Variants in SFSWAP observed in about 807,000 individuals in gnomAD.
The protein encoded by SFSWAP is splicing factor, suppressor of white-apricot homolog.
SFSWAP carries 17 observed loss-of-function variants against 100.7 expected under a neutral mutation model. The ratio of observed to expected loss-of-function variants is 0.17; its 90% CI spans 0.12 to 0.25. The LOEUF is 0.25. SFSWAP is among the 10% of genes least tolerant of loss of function. The probability of loss-of-function intolerance (pLI) is 1.00; values close to 1 mark genes in which losing one functional copy is unlikely to be tolerated. For synonymous variants in SFSWAP, 504 were observed against 510.1 expected, an observed-to-expected ratio of 0.99 and a Z score of 0.16; for missense variants, 1,005 against 1,262.6, an observed-to-expected ratio of 0.80 and a Z score of 3.09.
intron 14 of SFSWAP, chr12:131,785,307 C>A: frequency 7.3e-7 from 1 of 1,364,616 alleles, no homozygotes; most frequent in Non-Finnish European, 1.0e-6. Flanking sequence ...ACGATTCTGT[C>A]CGTTAAAGGG....
At chr12:131,766,061 A>G in intron 12 of SFSWAP, 57 bp from the exon 13 acceptor site, 1 of 1,519,332 alleles carries the variant, frequency 6.6e-7, no homozygotes, top group Non-Finnish European at 8.9e-7. Context: ...GAAAATTAAG[A>G]TCAGATAAAA....
chr12:131,764,553 T>C lies in SFSWAP; in HGVS notation c.1818T>C (p.Asp606=), dbSNP rs375281679. The C allele has an allele frequency of 2.0e-5, 32 of 1,614,018 alleles. No individual in the cohort carries two copies. Among genetic ancestry groups the C allele is most frequent in the Non-Finnish European group, 2.4e-5 (28 of 1,180,014 alleles). Reference sequence around the variant, plus strand: ...TTAAGCTAGATGATGACAGTGATGATGATGAAGAAAGCAAAGAAGGCCAAG... The same window carrying C: ...TTAAGCTAGATGATGACAGTGATGACGATGAAGAAAGCAAAGAAGGCCAAG... The part of the protein sequence containing the change: ...NRVKLDDDSD[D]DEESKEGQES... Residue 606 remains aspartate, a synonymous_variant, in exon 12 of 18, where the codon GAT becomes GAC. Coordinates refer to ENST00000261674, the MANE Select transcript of SFSWAP (RefSeq NM_004592.4).
At chr12:131,785,263 G>A (rs1184599484) in intron 14 of SFSWAP, 1 of 1,473,646 alleles carries the variant, frequency 6.8e-7, no homozygotes, top group Middle Eastern at 1.7e-4. Context: ...CATCTGTTCT[G>A]TAAATCTTAG....
At chr12:131,762,294 C>G (rs923775615) in intron 11 of SFSWAP, among the ~76,000 whole-genome samples, 2 of 151,986 alleles carry the variant, frequency 1.3e-5, no homozygotes, top group Admixed American at 1.3e-4. Context: ...GCTTGTCATC[C>G]CAGCACTTCA....
intron 7 of SFSWAP, among the ~76,000 whole-genome samples, chr12:131,743,452 A>G (rs1880841614): frequency 6.6e-6 from 1 of 152,240 alleles, no homozygotes; most frequent in Non-Finnish European, 1.5e-5. Context: ...TCCAAAATCT[A>G]GCAAGGCAGT....
rs199526989 is a variant in SFSWAP, at chr12:131,753,375, G to C, written c.1322+12G>C. On this transcript the variant is annotated intron_variant, in intron 8 of 17. Transcript: ENST00000261674. Reference sequence around the variant, plus strand: ...ACCACCACCACAAGGTAGGTGCAGCGTCCACCGCTGCCTGCTGTGTGAGTC... The same window carrying C: ...ACCACCACCACAAGGTAGGTGCAGCCTCCACCGCTGCCTGCTGTGTGAGTC... 1 of 1,605,392 alleles carries C rather than the reference G, an allele frequency of 6.2e-7. No individual in the cohort carries two copies. The highest frequency in any genetic ancestry group is 1.3e-5 in the African/African-American group (1 of 74,794).
chr12:131,741,505 C>T (rs2124713), intron 7 of SFSWAP, among the ~76,000 whole-genome samples: 49,079 of 151,584 alleles, frequency 0.32, 9,228 homozygotes, highest in Non-Finnish European at 0.44. Flanking sequence ...ACCATAATGG[C>T]GCACACCTGT....
chr12:131,755,499 G>A lies in SFSWAP; in HGVS notation c.1548+20G>A. The A allele has an allele frequency of 1.3e-6, 2 of 1,571,000 alleles. No homozygotes were observed. The highest frequency in any genetic ancestry group is 1.1e-5 in the South Asian group (1 of 90,026). ...ATGCAGGTACGTGTCTGAATGCAGG[G>A]AGGCTGTGAAGCTCTTAGAGGTGGC... On this transcript the variant is annotated intron_variant, in intron 10 of 17. Coordinates refer to ENST00000261674, the MANE Select transcript of SFSWAP (RefSeq NM_004592.4).
At chr12:131,739,477 A>G (rs928011203) in intron 7 of SFSWAP, among the ~76,000 whole-genome samples, 2 of 140,980 alleles carry the variant, frequency 1.4e-5, no homozygotes, top group East Asian at 4.3e-4. Context: ...GTATAGAAAT[A>G]TTATTTTTAT....
rs147670551 is a variant in SFSWAP at position 131,725,611 on chromosome 12, C to G, written c.813C>G (p.Asn271Lys). ...GACGCTACACTGTCCTGGCAGAAAA[C>G]AAAAGTGACGAGAAAAAAAGTAGGT... Reference protein sequence around the residue: ...KEGRYTVLAENKSDEKKKSGV... With the variant: ...KEGRYTVLAEKKSDEKKKSGV... The change falls in exon 5 of 18, where the codon AAC (asparagine) becomes AAG (lysine). Residue 271 changes from asparagine (N) to lysine (K), a missense_variant. Around this residue, in one of 7 missense-constraint regions of SFSWAP, gnomAD observed 54 missense variants for 51.9 expected, o/e 1.04. Transcript: ENST00000261674. The surrounding 1 kb of genome is among the most constrained non-coding windows in gnomAD (Gnocchi z 4.3). 25 of 1,613,590 alleles carry G rather than the reference C, an allele frequency of 1.5e-5. No homozygotes were observed. In the African/African-American group the frequency reaches 3.2e-4, roughly 21 times the overall value.
At chr12:131,741,589 G>A (rs1320441364) in intron 7 of SFSWAP, among the ~76,000 whole-genome samples, 1 of 151,340 alleles carries the variant, frequency 6.6e-6, no homozygotes, top group Non-Finnish European at 1.5e-5. Flanking sequence ...CATGCTGCAG[G>A]GAGCAATGGT....
At chr12:131,745,436 A>G (rs1372064132) in intron 7 of SFSWAP, among the ~76,000 whole-genome samples, 1 of 152,200 alleles carries the variant, frequency 6.6e-6, no homozygotes, top group Non-Finnish European at 1.5e-5. Flanking sequence ...CTCCGCCCTG[A>G]TTTCTCTCAT....
At chr12:131,799,265 G>A (rs1026695732) in intron 17 of SFSWAP, among the ~76,000 whole-genome samples, 156 bp downstream of exon 17, 1 of 152,228 alleles carries the variant, frequency 6.6e-6, no homozygotes, top group Non-Finnish European at 1.5e-5. Context: ...CGAGGGCAAA[G>A]CCGTGTGGCC....
Position 131,728,340 on chromosome 12 carries a change from T to C in SFSWAP, c.993T>C (p.Arg331=). The C allele has an allele frequency of 6.2e-7, 1 of 1,614,210 alleles. No homozygotes were observed. The highest frequency in any genetic ancestry group is 8.5e-7 in the Non-Finnish European group (1 of 1,180,034). Reference sequence around the variant, plus strand: ...ATCATCCCCTCGCAGCACTTGTTCGTAAGGCACAGGCTGACAGTTCCACTC... The same window carrying C: ...ATCATCCCCTCGCAGCACTTGTTCGCAAGGCACAGGCTGACAGTTCCACTC... ...DPDHPLAALV[R]KAQADSSTPT... is the part of the protein sequence containing the mutation. The change falls in exon 7 of 18, where the codon CGT becomes CGC. Residue 331 remains arginine, a synonymous_variant. Coordinates refer to ENST00000261674, the MANE Select transcript of SFSWAP (RefSeq NM_004592.4).
intron 13 of SFSWAP, among the ~76,000 whole-genome samples, chr12:131,771,122 G>A (rs911359980): frequency 1.3e-5 from 2 of 152,158 alleles, no homozygotes; most frequent in East Asian, 3.8e-4. Flanking sequence ...AACTCAATTC[G>A]ATTCATGTAT....
At chr12:131,763,815 A>AT (rs1167177550) in intron 11 of SFSWAP, among the ~76,000 whole-genome samples, 12,778 of 144,036 alleles carry the variant, frequency 0.089, 597 homozygotes, top group Middle Eastern at 0.14. Flanking sequence ...TGAGCCATGA[A>AT]TTTTTTTTTT....
intron 11 of SFSWAP, among the ~76,000 whole-genome samples, chr12:131,762,274 G>A (rs916474169): frequency 6.6e-5 from 10 of 151,956 alleles, no homozygotes; most frequent in African/African-American, 1.4e-4. Context: ...GGCTGGGCAC[G>A]GTGGCTCATG....
rs1416181500 is a variant in SFSWAP, at chr12:131,734,574, TG to T, written c.1081+6148del. Among the ~76,000 whole-genome samples the T allele has an allele frequency of 6.6e-6, 1 of 152,228 alleles. No individual in the cohort carries two copies. The highest frequency in any genetic ancestry group is 2.4e-5 in the African/African-American group (1 of 41,454). On this transcript the variant is annotated intron_variant, in intron 7 of 17. Coordinates refer to ENST00000261674, the MANE Select transcript of SFSWAP (RefSeq NM_004592.4). The surrounding 1 kb of genome is among the most constrained non-coding windows in gnomAD (Gnocchi z 4.9). The stretch of plus-strand genomic sequence containing the variant: ...GGCTTGTGCATGTTTGAATGCCCTG[TG>T]GACCCGGAGCTCTGTGAGGCAAAGG...
In SFSWAP at chr12:131,781,118, C is replaced by A. The variant is rs188263503; in HGVS notation, c.2408+2788C>A. On this transcript the variant is annotated intron_variant, in intron 14 of 17. Transcript: ENST00000261674. ...TTGACTGGTCTATAGTAGAAAAGGT[C>A]ATTTTACATATTATTTGAATGATTT... Among the ~76,000 whole-genome samples the A allele has an allele frequency of 4.3e-4, 66 of 151,908 alleles. 1 individual carries two copies. The East Asian group carries it at 0.011, about 24-fold the overall frequency.
Sources: gnomAD v4.1 joint callset for allele counts (sites outside exome capture counted in the v4.1 genomes callset) on GRCh38, gnomAD v4.1.1 for gene constraint, gnomAD v4.1.1 regional missense constraint, Gnocchi (gnomAD v3.1) non-coding constraint, MANE v1.5 for transcripts, NCBI Gene and HGNC (gene_info 2026-07-23, HGNC 2026-07-21) for gene names.